EEPD1: variants seen among roughly 807,000 people sequenced by gnomAD.
EEPD1 encodes the protein endonuclease/exonuclease/phosphatase family domain-containing protein 1.
EEPD1 carries 17 observed loss-of-function variants against 46.3 expected under a neutral mutation model. The ratio of observed to expected loss-of-function variants is 0.37; its 90% CI spans 0.25 to 0.55. EEPD1 has a LOEUF of 0.55. Ranked by LOEUF, EEPD1 falls within the 20% of genes least tolerant of loss-of-function variation. EEPD1 has a pLI of 0.83. For missense variants in EEPD1, 673 were observed against 745.6 expected (o/e 0.90, Z 1.13); for synonymous variants, 313 against 315.6 (o/e 0.99, Z 0.09).
Position 36,287,631 on chromosome 7 carries a change from C to T in EEPD1, c.1177-8C>T, listed in dbSNP as rs1385769721. On this transcript the variant is annotated splice_polypyrimidine_tract_variant and splice_region_variant and intron_variant, in intron 5 of 7. Coordinates refer to ENST00000242108, the MANE Select transcript of EEPD1 (RefSeq NM_030636.3). ...CCTCTCCCTGTTGCTTTGTTTCCTG[C>T]TGCCTAGGTGGGAAGTCACGACCTG... The T allele has an allele frequency of 8.1e-6, 13 of 1,611,760 alleles. No individual in the cohort carries two copies. The highest frequency in any genetic ancestry group is 5.5e-5 in the South Asian group (5 of 90,880).
intron 3 of EEPD1, among the ~76,000 whole-genome samples, chr7:36,256,897 G>T (rs917083963): frequency 6.6e-6 from 1 of 152,152 alleles, no homozygotes; most frequent in Non-Finnish European, 1.5e-5. Context: ...CCTGTTAGTT[G>T]ATGCAGTTTC....
chr7:36,217,983 C>G (rs952525261), intron 2 of EEPD1, among the ~76,000 whole-genome samples: 2 of 152,164 alleles, frequency 1.3e-5, no homozygotes, highest in African/African-American at 4.8e-5. Context: ...TTCTTTTTCT[C>G]TTGTGTGTTC....
chr7:36,291,687 A>G (rs1787443173), intron 6 of EEPD1, among the ~76,000 whole-genome samples: 2 of 152,256 alleles, frequency 1.3e-5, no homozygotes, highest in African/African-American at 4.8e-5. Flanking sequence ...TTCCCTTCAG[A>G]TTCCTTTCCC....
At chr7:36,164,447 C>T (rs1003254867) in intron 2 of EEPD1, among the ~76,000 whole-genome samples, 1 of 152,202 alleles carries the variant, frequency 6.6e-6, no homozygotes, top group East Asian at 1.9e-4. Context: ...GGGCATCCAT[C>T]AACTTGTTTT....
chr7:36,293,262 A>G (rs1391733236), intron 6 of EEPD1, among the ~76,000 whole-genome samples: 2 of 152,214 alleles, frequency 1.3e-5, no homozygotes, highest in African/African-American at 4.8e-5. Context: ...ATCAATGGAG[A>G]AACATGGCAA....
chr7:36,196,751 T>C (rs1444244566), intron 2 of EEPD1, among the ~76,000 whole-genome samples: 1 of 152,146 alleles, frequency 6.6e-6, no homozygotes, highest in Admixed American at 6.5e-5. Flanking sequence ...TGGCGTGATC[T>C]CGGCTCGCTA....
chr7:36,187,976 T>G (rs1479562063), intron 2 of EEPD1, among the ~76,000 whole-genome samples: 1 of 152,160 alleles, frequency 6.6e-6, no homozygotes, highest in Non-Finnish European at 1.5e-5. Context: ...TTTTCTATTT[T>G]TAGTAGAGAC....
chr7:36,274,196 C>T (rs1317872027), intron 3 of EEPD1, among the ~76,000 whole-genome samples: 1 of 152,240 alleles, frequency 6.6e-6, no homozygotes, highest in Non-Finnish European at 1.5e-5. Flanking sequence ...AAATCTCTCT[C>T]ATACAGACTG....
chr7:36,241,726 G>A (rs1786556600), intron 3 of EEPD1, among the ~76,000 whole-genome samples: 1 of 151,904 alleles, frequency 6.6e-6, no homozygotes, highest in Non-Finnish European at 1.5e-5. Flanking sequence ...ACTTAGCCAG[G>A]CGGTAGTGGC....
chr7:36,202,189 T>C (rs1339005372), intron 2 of EEPD1, among the ~76,000 whole-genome samples: 1 of 152,154 alleles, frequency 6.6e-6, no homozygotes, highest in African/African-American at 2.4e-5. Context: ...TAGGAGTCAG[T>C]GTGAGAACTG....
At chr7:36,169,468 A>C (rs1402614571) in intron 2 of EEPD1, among the ~76,000 whole-genome samples, 1 of 152,208 alleles carries the variant, frequency 6.6e-6, no homozygotes, top group Non-Finnish European at 1.5e-5. Flanking sequence ...TTTAAATTGC[A>C]TGTCCCTAAT....
intron 2 of EEPD1, among the ~76,000 whole-genome samples, chr7:36,173,392 G>A (rs370678095): frequency 4.0e-5 from 6 of 149,160 alleles, no homozygotes; most frequent in African/African-American, 9.9e-5. Flanking sequence ...CCAGCTACTC[G>A]GGAGGCTGAG....
intron 3 of EEPD1, among the ~76,000 whole-genome samples, chr7:36,245,208 A>G (rs1253906800): frequency 1.3e-5 from 2 of 152,190 alleles, no homozygotes; most frequent in East Asian, 1.9e-4. Context: ...TTGGTCTCCC[A>G]AAGTGCTGGG....
At chr7:36,249,968 C>T (rs1008988274) in intron 3 of EEPD1, among the ~76,000 whole-genome samples, 2 of 152,174 alleles carry the variant, frequency 1.3e-5, no homozygotes, top group Admixed American at 6.5e-5. Flanking sequence ...CCTGTAATCC[C>T]AACACTTTGG....
intron 3 of EEPD1, among the ~76,000 whole-genome samples, chr7:36,277,210 A>T (rs1480041822): frequency 6.6e-6 from 1 of 152,240 alleles, no homozygotes; most frequent in Non-Finnish European, 1.5e-5. Flanking sequence ...TGTCGAGGCC[A>T]GGAAGTAGAG....
intron 4 of EEPD1, among the ~76,000 whole-genome samples, chr7:36,282,585 C>T (rs1007359205): frequency 3.3e-5 from 5 of 152,234 alleles, no homozygotes; most frequent in African/African-American, 9.6e-5. Context: ...CAAAACCTCT[C>T]GGCCTCAATT....
chr7:36,265,203 A>G (rs1786994867), intron 3 of EEPD1, among the ~76,000 whole-genome samples: 1 of 152,266 alleles, frequency 6.6e-6, no homozygotes, highest in Non-Finnish European at 1.5e-5. Context: ...GTTTAATGTG[A>G]CAATTCCTGA....
At chr7:36,288,228 A>G (rs888977122) in intron 6 of EEPD1, among the ~76,000 whole-genome samples, 1 of 152,136 alleles carries the variant, frequency 6.6e-6, no homozygotes, top group African/African-American at 2.4e-5. Flanking sequence ...CTCTGGCGGG[A>G]TACAGAGCAT....
intron 5 of EEPD1, among the ~76,000 whole-genome samples, chr7:36,286,826 A>C (rs577556606): frequency 6.6e-6 from 1 of 152,300 alleles, no homozygotes; most frequent in South Asian, 2.1e-4. Flanking sequence ...ACCAGCTGTC[A>C]GAGTCACCTC....
Sources: allele counts gnomAD v4.1 joint callset (sites outside exome capture counted in the v4.1 genomes callset), GRCh38; gene constraint gnomAD v4.1.1; transcripts MANE v1.5; gene names NCBI Gene and HGNC (gene_info 2026-07-23, HGNC 2026-07-21).